Variants in FAM110B observed in about 807,000 individuals in gnomAD.
FAM110B encodes the protein family with sequence similarity 110 member B.
FAM110B carries 6 observed loss-of-function variants against 20.4 expected under a neutral mutation model. The observed-to-expected ratio is 0.29, with a 90% CI of 0.16 to 0.58. The LOEUF (loss-of-function observed/expected upper bound fraction) is 0.58. Ranked by LOEUF, FAM110B falls within the 20% of genes least tolerant of loss-of-function variation. The probability of loss-of-function intolerance (pLI) is 0.90; values close to 1 mark genes in which losing one functional copy is unlikely to be tolerated. For missense variants in FAM110B, 434 were observed against 498.2 expected (o/e 0.87, Z 1.23); for synonymous variants, 226 against 214.1 (o/e 1.06, Z -0.49).
At chr8:58,001,093 C>T (rs929475184) in intron 1 of FAM110B, among the ~76,000 whole-genome samples, 2 of 152,084 alleles carry the variant, frequency 1.3e-5, no homozygotes, top group Non-Finnish European at 2.9e-5. Flanking sequence ...GGTAAAGTGG[C>T]CACAGTTTTT....
chr8:58,089,262 A>G (rs560566917), intron 3 of FAM110B, among the ~76,000 whole-genome samples: 29 of 152,250 alleles, frequency 1.9e-4, no homozygotes, highest in African/African-American at 6.7e-4. Context: ...CTCTCTATCA[A>G]CCTTGTCATT....
chr8:58,063,574 G>A (rs1346327088), intron 2 of FAM110B, among the ~76,000 whole-genome samples: 2 of 152,040 alleles, frequency 1.3e-5, no homozygotes, highest in Admixed American at 6.5e-5. Flanking sequence ...CTAAAAACCC[G>A]AAATCTGAAC....
At chr8:58,025,792 ATAACCTCTCTATAAC>A (rs1359266249) in intron 1 of FAM110B, among the ~76,000 whole-genome samples, 1 of 152,200 alleles carries the variant, frequency 6.6e-6, no homozygotes, top group East Asian at 1.9e-4. Context: ...CATGAGCTGT[ATAACCTCTCTATAAC>A]TTCTGCTACT....
intron 2 of FAM110B, among the ~76,000 whole-genome samples, chr8:58,072,198 G>GT (rs779000629): frequency 1.5e-4 from 23 of 152,128 alleles, no homozygotes; most frequent in Non-Finnish European, 2.8e-4. Flanking sequence ...TTCCAAGAAG[G>GT]TTTTTTCCAC....
intron 2 of FAM110B, among the ~76,000 whole-genome samples, chr8:58,075,236 G>A (rs1343854773): frequency 7.3e-6 from 1 of 136,256 alleles, no homozygotes; most frequent in Non-Finnish European, 1.5e-5. Flanking sequence ...CTCCCGAGTA[G>A]CACCACCACA....
intron 2 of FAM110B, among the ~76,000 whole-genome samples, chr8:58,035,842 G>A (rs1055660348): frequency 1.3e-5 from 2 of 152,098 alleles, no homozygotes; most frequent in African/African-American, 4.8e-5. Context: ...CGATGGGCTG[G>A]AGTCATCTGT....
Position 58,006,923 on chromosome 8 carries a change from A to ATATTTTTTTTTTTTTT in FAM110B, c.-512+12118_-512+12119insATTTTTTTTTTTTTTT. On this transcript the variant is annotated intron_variant, in intron 1 of 3. Transcript: ENST00000519262. The stretch of plus-strand genomic sequence containing the variant: ...TTGGTATATATATATATATATATAT[A>ATATTTTTTTTTTTTTT]TTTTTCCAAAACCAGAGTTTGCATT... 7.4e-4 allele frequency among the ~76,000 whole-genome samples: 93 copies of ATATTTTTTTTTTTTTT among 126,524 alleles called. 1 individual carries two copies. Among genetic ancestry groups the ATATTTTTTTTTTTTTT allele is most frequent in the South Asian group, 2.3e-3 (9 of 3,892 alleles). The allele number at this position is 126,524 out of a possible 152,430, so 83.0% of individuals were successfully genotyped here. A position where few individuals can be genotyped will look rare whatever the true frequency, so the allele number is the denominator to read the frequency against.
chr8:57,994,998 GC>G (rs1804151601), intron 1 of FAM110B, among the ~76,000 whole-genome samples, 192 bp downstream of exon 1: 1 of 152,124 alleles, frequency 6.6e-6, no homozygotes, highest in Non-Finnish European at 1.5e-5. Context: ...GGCCTCACTG[GC>G]CCAGGCGGAC....
At chr8:58,057,589 T>C (rs1218186188) in intron 2 of FAM110B, among the ~76,000 whole-genome samples, 1 of 152,182 alleles carries the variant, frequency 6.6e-6, no homozygotes, top group Non-Finnish European at 1.5e-5. Flanking sequence ...CTTTTCTCTG[T>C]CACCATCTTA....
chr8:58,046,712 A>G (rs978218158), intron 2 of FAM110B, among the ~76,000 whole-genome samples: 4 of 152,274 alleles, frequency 2.6e-5, no homozygotes, highest in East Asian at 3.9e-4. Flanking sequence ...TTAATTTTCA[A>G]CTCCTATCAT....
chr8:58,133,919 C>T (rs1803549568), intron 3 of FAM110B, among the ~76,000 whole-genome samples: 1 of 152,238 alleles, frequency 6.6e-6, no homozygotes. Context: ...CTTCCTGTCA[C>T]TTGAACCCAA....
intron 1 of FAM110B, among the ~76,000 whole-genome samples, chr8:58,028,501 T>C (rs1020455928): frequency 2.6e-5 from 4 of 152,232 alleles, no homozygotes; most frequent in African/African-American, 9.6e-5. Context: ...CCTGATTAAT[T>C]ATGTTGAAGA....
chr8:58,128,041 A>C (rs2150631807), intron 3 of FAM110B, among the ~76,000 whole-genome samples: 1 of 152,322 alleles, frequency 6.6e-6, no homozygotes, highest in East Asian at 1.9e-4. Context: ...TACTGTCAGT[A>C]TGTCCAATTA....
chr8:58,083,992 A>T (rs1806267931), intron 3 of FAM110B, among the ~76,000 whole-genome samples: 1 of 152,188 alleles, frequency 6.6e-6, no homozygotes, highest in Admixed American at 6.5e-5. Context: ...CTCCTGGTTG[A>T]TCCGGATCAA....
intron 1 of FAM110B, among the ~76,000 whole-genome samples, chr8:58,011,984 C>T (rs1430370383): frequency 6.6e-6 from 1 of 152,182 alleles, no homozygotes; most frequent in African/African-American, 2.4e-5. Context: ...CAGAGATGGC[C>T]ACACGACATC....
At chr8:58,139,151 G>A (rs556498432) in intron 3 of FAM110B, among the ~76,000 whole-genome samples, 10 of 152,298 alleles carry the variant, frequency 6.6e-5, no homozygotes, top group South Asian at 4.2e-4. Flanking sequence ...GAAAGAATAC[G>A]CTAAAATATG....
At chr8:58,071,315 T>C (rs1212841778) in intron 2 of FAM110B, among the ~76,000 whole-genome samples, 1 of 152,226 alleles carries the variant, frequency 6.6e-6, no homozygotes, top group Non-Finnish European at 1.5e-5. Flanking sequence ...TTTTTACTTA[T>C]TCATCAAACT....
At chr8:58,119,367 C>T (rs1409077836) in intron 3 of FAM110B, among the ~76,000 whole-genome samples, 1 of 152,176 alleles carries the variant, frequency 6.6e-6, no homozygotes, top group Non-Finnish European at 1.5e-5. Flanking sequence ...TTGCTATGTC[C>T]TCGCATGGGG....
chr8:58,003,130 A>G (rs1171755185), intron 1 of FAM110B, among the ~76,000 whole-genome samples: 1 of 152,240 alleles, frequency 6.6e-6, no homozygotes, highest in African/African-American at 2.4e-5. Context: ...CATCTTCAGC[A>G]GGAGTAGATT....
Sources: allele counts gnomAD v4.1 joint callset (sites outside exome capture counted in the v4.1 genomes callset), GRCh38; gene constraint gnomAD v4.1.1; transcripts MANE v1.5; gene names NCBI Gene and HGNC (gene_info 2026-07-23, HGNC 2026-07-21).